The following PAPPA2 variants were observed in gnomAD, a reference collection of about 807,000 sequenced individuals.
PAPPA2 encodes pappalysin 2, also known as pappalysin-2.
A neutral mutation model predicts 176.4 loss-of-function variants in PAPPA2; 86 were observed. That is an observed-to-expected ratio of 0.49 (90% CI 0.41 to 0.58). The LOEUF (loss-of-function observed/expected upper bound fraction) is 0.58, where lower values mean the gene tolerates loss of function less well. Among genes scored for constraint, PAPPA2 ranks in the 20% least tolerant of loss-of-function variants. The pLI, the probability that PAPPA2 is intolerant of heterozygous loss-of-function variation, is 0.00. For synonymous variants in PAPPA2, 809 were observed against 852.2 expected (o/e 0.95, Z 0.88); for missense variants, 2,073 against 2,256.9 (o/e 0.92, Z 1.65).
In PAPPA2 at chr1:176,842,416, T is replaced by A; in HGVS notation, c.5338T>A (p.Cys1780Ser). ...TGCTGCTGACTGTGACCTGGATGAGTGCACCTGCCGGGACCCCAAGGCAGA... is the reference window on the plus strand; with the variant it reads ...TGCTGCTGACTGTGACCTGGATGAGAGCACCTGCCGGGACCCCAAGGCAGA... ...PFAADCDLDE[C>S]TCRDPKAEEN... Residue 1780 changes from cysteine (C) to serine (S), a missense_variant, in exon 23 of 23, where the codon TGC (cysteine) becomes AGC (serine). Physicochemically the swap from Cys to Ser is moderately radical, Grantham distance 112 (BLOSUM62 -1). This residue lies in a region of PAPPA2 where 27 missense variants were observed against 52.1 expected (regional missense o/e 0.52). Transcript: ENST00000367662. The A allele has an allele frequency of 1.2e-6, 2 of 1,613,358 alleles. No homozygotes were observed. The highest frequency in any genetic ancestry group is 1.7e-6 in the Non-Finnish European group (2 of 1,179,592).
At chr1:176,514,637 G>A (rs1648803309) in intron 1 of PAPPA2, among the ~76,000 whole-genome samples, 1 of 152,172 alleles carries the variant, frequency 6.6e-6, no homozygotes, top group Non-Finnish European at 1.5e-5. Context: ...GCTCATCACT[G>A]ACAATAACAT....
intron 2 of PAPPA2, among the ~76,000 whole-genome samples, chr1:176,594,106 G>T (rs1440334516): frequency 2.6e-5 from 4 of 152,154 alleles, no homozygotes; most frequent in African/African-American, 9.7e-5. Flanking sequence ...GCTGTCATTT[G>T]CAAAAAGTAT....
At chr1:176,805,682 A>C (rs1665873770) in intron 21 of PAPPA2, among the ~76,000 whole-genome samples, 2 of 152,136 alleles carry the variant, frequency 1.3e-5, no homozygotes, top group African/African-American at 4.8e-5. Context: ...TCATATTGAA[A>C]CAAGATATTA....
intron 1 of PAPPA2, among the ~76,000 whole-genome samples, chr1:176,548,480 T>C (rs144631597): frequency 6.6e-6 from 1 of 152,236 alleles, no homozygotes; most frequent in Non-Finnish European, 1.5e-5. Flanking sequence ...GAAAGATCTT[T>C]CCATTACTCC....
At chr1:176,670,848 C>T (rs1658952208) in intron 3 of PAPPA2, 122 bp from the exon 4 acceptor site, 1 of 1,251,480 alleles carries the variant, frequency 8.0e-7, no homozygotes, top group South Asian at 1.4e-5. Context: ...GTCTCTGCCC[C>T]ATGCCCCTCC....
chr1:176,709,534 A>G (rs1007839508), intron 10 of PAPPA2, among the ~76,000 whole-genome samples: 1 of 152,192 alleles, frequency 6.6e-6, no homozygotes, highest in African/African-American at 2.4e-5. Flanking sequence ...ACCCCCCGTG[A>G]TACTTTAATA....
chr1:176,552,400 C>A (rs1388327523), intron 1 of PAPPA2, among the ~76,000 whole-genome samples: 1 of 148,388 alleles, frequency 6.7e-6, no homozygotes, highest in African/African-American at 2.5e-5. Context: ...TCTTTTCTTC[C>A]CCCCTTACCC....
At chr1:176,653,953 C>T (rs918643718) in intron 3 of PAPPA2, among the ~76,000 whole-genome samples, 2 of 151,682 alleles carry the variant, frequency 1.3e-5, no homozygotes, top group African/African-American at 4.8e-5. Flanking sequence ...TTTCTCAGAC[C>T]TCTTTGGCAG....
intron 12 of PAPPA2, among the ~76,000 whole-genome samples, chr1:176,723,122 A>C (rs899705648): frequency 6.6e-6 from 1 of 152,208 alleles, no homozygotes; most frequent in Admixed American, 6.5e-5. Context: ...CATGTGAGAC[A>C]GAGCTCACTT....
chr1:176,778,231 T>C (rs1162735450), intron 17 of PAPPA2, among the ~76,000 whole-genome samples: 2 of 152,150 alleles, frequency 1.3e-5, no homozygotes, highest in Non-Finnish European at 2.9e-5. Context: ...GTACACTCTC[T>C]GTCTGCTTTA....
intron 2 of PAPPA2, among the ~76,000 whole-genome samples, chr1:176,589,497 A>G (rs530084594): frequency 2.6e-5 from 4 of 152,240 alleles, no homozygotes; most frequent in Admixed American, 6.5e-5. Context: ...TTTAGTAAAT[A>G]TATATGATGG....
chr1:176,570,520 C>A (rs192406237), intron 2 of PAPPA2, among the ~76,000 whole-genome samples: 119 of 152,242 alleles, frequency 7.8e-4, no homozygotes, highest in African/African-American at 2.4e-3. Flanking sequence ...TGTTTCAAGG[C>A]ACATTAATAA....
chr1:176,768,041 C>A (rs1031895613), intron 15 of PAPPA2, among the ~76,000 whole-genome samples: 1 of 152,178 alleles, frequency 6.6e-6, no homozygotes, highest in South Asian at 2.1e-4. Flanking sequence ...GTCATTGTAC[C>A]TGTGGCTTTG....
In PAPPA2 at chr1:176,781,177, T is replaced by C. The variant is rs1029916395; in HGVS notation, c.4716-8632T>C. ...GGGGCCCCAAACTTGGGTTTAGGTG[T>C]TCAGACCTAGGGACCAGGCATTATT... On this transcript the variant is annotated intron_variant, in intron 17 of 22. Transcript: ENST00000367662. Among the ~76,000 whole-genome samples, 13 of 152,082 alleles carry C rather than the reference T, an allele frequency of 8.5e-5. No individual in the cohort carries two copies. In the South Asian group the frequency reaches 2.3e-3, roughly 27 times the overall value.
intron 12 of PAPPA2, among the ~76,000 whole-genome samples, chr1:176,736,441 A>T (rs1231646136): frequency 1.3e-5 from 2 of 149,728 alleles, no homozygotes; most frequent in African/African-American, 4.9e-5. Context: ...ATATATTTTT[A>T]AGGTTGCTCT....
intron 1 of PAPPA2, among the ~76,000 whole-genome samples, chr1:176,532,892 C>A (rs532947231): frequency 3.9e-5 from 6 of 152,182 alleles, no homozygotes; most frequent in East Asian, 1.9e-4. Flanking sequence ...TTGCCCACCC[C>A]CTGTGGGCAC....
chr1:176,768,094 G>T (rs1202619200), intron 15 of PAPPA2, among the ~76,000 whole-genome samples: 1 of 152,152 alleles, frequency 6.6e-6, no homozygotes, highest in Non-Finnish European at 1.5e-5. Flanking sequence ...CTCAGCCATA[G>T]AAACTCCCCT....
At chr1:176,607,616 C>T (rs896618776) in intron 3 of PAPPA2, among the ~76,000 whole-genome samples, 2 of 152,168 alleles carry the variant, frequency 1.3e-5, no homozygotes, top group Non-Finnish European at 2.9e-5. Context: ...CTGATAGACA[C>T]TTAGGTTGAC....
intron 3 of PAPPA2, among the ~76,000 whole-genome samples, chr1:176,609,092 A>T (rs1414816078): frequency 6.6e-6 from 1 of 152,214 alleles, no homozygotes; most frequent in African/African-American, 2.4e-5. Flanking sequence ...TCCTATAGTA[A>T]TCTAGATAGA....
Sources: gnomAD v4.1 joint callset for allele counts (sites outside exome capture counted in the v4.1 genomes callset) on GRCh38, gnomAD v4.1.1 for gene constraint, gnomAD v4.1.1 regional missense constraint, MANE v1.5 for transcripts, NCBI Gene and HGNC (gene_info 2026-07-23, HGNC 2026-07-21) for gene names.